The following DEPDC5 variants were observed in gnomAD, a reference collection of about 807,000 sequenced individuals.
The protein encoded by DEPDC5 is DEP domain containing 5, GATOR1 subcomplex subunit, also known as GATOR1 complex protein DEPDC5.
A neutral mutation model predicts 217.3 loss-of-function variants in DEPDC5; 73 were observed. The ratio of observed to expected loss-of-function variants is 0.34; its 90% CI spans 0.28 to 0.41. The LOEUF (loss-of-function observed/expected upper bound fraction) is 0.41. Ranked by LOEUF, DEPDC5 falls within the 10% of genes least tolerant of loss-of-function variation. The pLI is 1.00. For missense variants in DEPDC5, 1,675 were observed against 2,070.1 expected (o/e 0.81, Z 3.70); for synonymous variants, 733 against 756.7 (o/e 0.97, Z 0.51).
In DEPDC5 at chr22:31,872,349, G is replaced by C. The variant is rs558869628; in HGVS notation, c.3486-906G>C. ...CAAAGGGTCGGTGTTAATTATTTTA[G>C]TATTGTTTACCACTTTGGGCTTCCT... On this transcript the variant is annotated intron_variant, in intron 34 of 42. Coordinates refer to ENST00000651528, the MANE Select transcript of DEPDC5 (RefSeq NM_001242896.3). 8.5e-5 allele frequency among the ~76,000 whole-genome samples: 13 copies of C among 152,312 alleles called. No homozygotes were observed. In the South Asian group the frequency reaches 2.5e-3, roughly 29 times the overall value.
intron 14 of DEPDC5, among the ~76,000 whole-genome samples, chr22:31,801,368 A>G (rs560947014): frequency 1.4e-4 from 21 of 152,176 alleles, no homozygotes; most frequent in Non-Finnish European, 2.4e-4. Flanking sequence ...ATGGAGAGGT[A>G]TATCAAGTAA....
rs978753263 is a variant in DEPDC5 at position 31,875,928 on chromosome 22, C to T, written c.3697-229C>T. On this transcript the variant is annotated intron_variant, in intron 36 of 42. Transcript: ENST00000651528. ...GGTTACAGGCGTGAGCCACTGCTCCCGGCCATCTGAATTTCTTCATGCCCT... is the reference window on the plus strand; with the variant it reads ...GGTTACAGGCGTGAGCCACTGCTCCTGGCCATCTGAATTTCTTCATGCCCT... 2.3e-4 allele frequency: 102 copies of T among 444,732 alleles called. 1 individual carries two copies. Among genetic ancestry groups the T allele is most frequent in the Non-Finnish European group, 4.8e-5 (12 of 247,458 alleles). The allele number at this position is 444,732 out of a possible 1,614,324, so 27.5% of individuals were successfully genotyped here.
chr22:31,826,453 A>T, intron 24 of DEPDC5: 1 of 430,558 alleles, frequency 2.3e-6, no homozygotes, highest in Non-Finnish European at 4.6e-6. Flanking sequence ...CCTCAAAAGA[A>T]CTGTGTCCTC....
At chr22:31,893,977 G>A in intron 39 of DEPDC5, 1 of 416,712 alleles carries the variant, frequency 2.4e-6, no homozygotes, top group East Asian at 4.8e-5. Context: ...TGACATCTGA[G>A]GCCAGATAAT....
chr22:31,797,811 T>G (rs776500352), intron 13 of DEPDC5, 108 bp downstream of exon 13: 1 of 854,306 alleles, frequency 1.2e-6, no homozygotes, highest in Non-Finnish European at 1.9e-6. Context: ...CCGTGTGTAG[T>G]TTCTGCTTTT....
chr22:31,803,315 A>G (rs958876394), intron 15 of DEPDC5, among the ~76,000 whole-genome samples: 2 of 151,628 alleles, frequency 1.3e-5, no homozygotes, highest in East Asian at 1.9e-4. Context: ...GGTTCACACT[A>G]TTCTCCTGCC....
chr22:31,825,904 A>G (rs938902062), intron 24 of DEPDC5, among the ~76,000 whole-genome samples: 1 of 152,194 alleles, frequency 6.6e-6, no homozygotes, highest in Admixed American at 6.5e-5. Flanking sequence ...CCAGGATCTT[A>G]GGACATGAGG....
At chr22:31,876,690 G>A (rs1340330941) in intron 37 of DEPDC5, among the ~76,000 whole-genome samples, 1 of 152,072 alleles carries the variant, frequency 6.6e-6, no homozygotes, top group Non-Finnish European at 1.5e-5. Flanking sequence ...TCTAACCCCA[G>A]GAAACTATCA....
chr22:31,794,210 C>A (rs2085994967), intron 12 of DEPDC5, among the ~76,000 whole-genome samples: 1 of 152,058 alleles, frequency 6.6e-6, no homozygotes, highest in Non-Finnish European at 1.5e-5. Context: ...GGATCCTGTA[C>A]CCCTAGGAGA....
At chr22:31,903,098 C>CATTG (rs1482948356) in intron 41 of DEPDC5, among the ~76,000 whole-genome samples, 1 of 151,688 alleles carries the variant, frequency 6.6e-6, no homozygotes, top group African/African-American at 2.4e-5. Flanking sequence ...TCCTCTGCAT[C>CATTG]ATTGTACCAG....
At chr22:31,828,225 C>T (rs1414478427) in intron 24 of DEPDC5, among the ~76,000 whole-genome samples, 7 of 152,018 alleles carry the variant, frequency 4.6e-5, no homozygotes, top group South Asian at 4.2e-4. Context: ...CCAAGGCGGG[C>T]GGATCACCTG....
intron 7 of DEPDC5, among the ~76,000 whole-genome samples, chr22:31,771,594 C>T (rs1388392522): frequency 6.6e-6 from 1 of 151,926 alleles, no homozygotes; most frequent in Non-Finnish European, 1.5e-5. Context: ...GTGGCCTGTG[C>T]CTGTAGTCCC....
intron 36 of DEPDC5, 76 bp from the exon 37 acceptor site, chr22:31,876,081 C>T: frequency 7.4e-7 from 1 of 1,352,826 alleles, no homozygotes; most frequent in Non-Finnish European, 1.0e-6. Context: ...ACTCCCTTGT[C>T]TCCAGAGCAT....
intron 41 of DEPDC5, among the ~76,000 whole-genome samples, chr22:31,904,501 G>A (rs2093721970): frequency 6.6e-6 from 1 of 152,224 alleles, no homozygotes; most frequent in Non-Finnish European, 1.5e-5. Context: ...CCAGCAGTTT[G>A]GGAGGCCGAA....
intron 38 of DEPDC5, among the ~76,000 whole-genome samples, chr22:31,882,411 G>A (rs940611796): frequency 5.3e-5 from 8 of 152,200 alleles, no homozygotes; most frequent in African/African-American, 1.9e-4. Context: ...ATTGGATCAT[G>A]CATGGCGACA....
At chr22:31,775,531 AAG>A (rs1315515369) in intron 7 of DEPDC5, among the ~76,000 whole-genome samples, 1 of 152,114 alleles carries the variant, frequency 6.6e-6, no homozygotes, top group Non-Finnish European at 1.5e-5. Flanking sequence ...GGTTGGGAGA[AAG>A]AGTGAAATTG....
chr22:31,902,157 A>G (rs1392177415), intron 41 of DEPDC5, among the ~76,000 whole-genome samples: 23 of 152,258 alleles, frequency 1.5e-4, no homozygotes. Flanking sequence ...GGTTGAAAAG[A>G]CAATGAATGG....
chr22:31,886,171 A>G (rs2093307499), intron 38 of DEPDC5, among the ~76,000 whole-genome samples: 1 of 152,048 alleles, frequency 6.6e-6, no homozygotes, highest in African/African-American at 2.4e-5. Flanking sequence ...GCAGGTGCAC[A>G]CCATCATGCC....
At chr22:31,766,537 A>T in intron 5 of DEPDC5, 48 bp from the exon 6 acceptor site, 3 of 1,581,936 alleles carry the variant, frequency 1.9e-6, no homozygotes, top group Non-Finnish European at 2.6e-6. Flanking sequence ...TCTGACTATA[A>T]AGTGTGGCAA....
Sources: gnomAD v4.1 joint callset for allele counts (sites outside exome capture counted in the v4.1 genomes callset) on GRCh38, gnomAD v4.1.1 for gene constraint, MANE v1.5 for transcripts, NCBI Gene and HGNC (gene_info 2026-07-23, HGNC 2026-07-21) for gene names.